Variants in GPD2 observed in about 807,000 individuals in gnomAD.
The protein encoded by GPD2 is glycerol-3-phosphate dehydrogenase 2, also known as glycerol-3-phosphate dehydrogenase, mitochondrial.
GPD2 carries 54 observed loss-of-function variants against 82.4 expected under a neutral mutation model. That is an observed-to-expected ratio of 0.66 (90% CI 0.53 to 0.82). GPD2 has a LOEUF of 0.82. Among genes scored for constraint, GPD2 ranks in the 40% least tolerant of loss-of-function variants. The probability of loss-of-function intolerance (pLI) is 0.00; values close to 1 mark genes in which losing one functional copy is unlikely to be tolerated. For synonymous variants in GPD2, 288 were observed against 306.1 expected, an observed-to-expected ratio of 0.94 and a Z score of 0.62; for missense variants, 748 against 896.2, an observed-to-expected ratio of 0.83 and a Z score of 2.11.
chr2:156,562,784 T>G (rs2105353903), intron 9 of GPD2, among the ~76,000 whole-genome samples: 1 of 152,350 alleles, frequency 6.6e-6, no homozygotes, highest in African/African-American at 2.4e-5. Flanking sequence ...AAATTGTCTG[T>G]TCAACTTTTC....
At chr2:156,401,574 A>C in the GPD2 span, among the ~76,000 whole-genome samples, 2 of 152,208 alleles carry the variant, frequency 1.3e-5, 1 homozygote, top group South Asian at 4.1e-4. Context: ...ATTCAGACAA[A>C]TACATAATGG....
Position 156,528,490 on chromosome 2 carries a change from A to G in GPD2, c.661+14994A>G, listed in dbSNP as rs537477837. On this transcript the variant is annotated intron_variant, in intron 6 of 16. Coordinates refer to ENST00000438166, the MANE Select transcript of GPD2 (RefSeq NM_000408.5). The stretch of plus-strand genomic sequence containing the variant: ...TTTAGGGTACATGTGCACAATGTGC[A>G]GGTTAGTTACATATGTATACATGTG... Among the ~76,000 whole-genome samples, 9 of 151,396 alleles carry G rather than the reference A, an allele frequency of 5.9e-5. No homozygotes were observed. In the South Asian group the frequency reaches 1.7e-3, roughly 28 times the overall value.
the GPD2 span, among the ~76,000 whole-genome samples, chr2:156,413,130 G>A: frequency 6.6e-6 from 1 of 152,014 alleles, no homozygotes. Flanking sequence ...GATGAGCAAT[G>A]TGTTAAGAGG....
the GPD2 span, among the ~76,000 whole-genome samples, chr2:156,409,194 C>G: frequency 6.6e-6 from 1 of 152,192 alleles, no homozygotes; most frequent in African/African-American, 2.4e-5. Context: ...CAATAAATTT[C>G]TAAGCCACAC....
chr2:156,484,789 G>A (rs536697759), intron 2 of GPD2, among the ~76,000 whole-genome samples: 35 of 152,196 alleles, frequency 2.3e-4, no homozygotes, highest in Non-Finnish European at 4.4e-4. Flanking sequence ...GTAGTGAGCC[G>A]AGATCGCACC....
intron 13 of GPD2, 73 bp from the exon 14 acceptor site, chr2:156,578,816 C>G (rs977674940): frequency 1.1e-6 from 1 of 877,146 alleles, no homozygotes; most frequent in Non-Finnish European, 1.9e-6. Flanking sequence ...TTCTGAAGAT[C>G]AACAGTAAAA....
rs148644123 is a variant in GPD2, at chr2:156,585,298, A to G, written c.*2380A>G. 1 of 152,460 alleles carries G rather than the reference A, an allele frequency of 6.6e-6. No homozygotes were observed. The highest frequency in any genetic ancestry group is 1.9e-4 in the East Asian group (1 of 5,146). 9.4% of individuals were successfully genotyped at this position (152,460 alleles called of 1,614,324 possible). On this transcript the variant is annotated 3_prime_UTR_variant, in exon 17 of 17. Transcript: ENST00000438166. ...CACAAAAGAAATTTTTTCCCTTTGCATATAAACTTGACATCAGTTGATTCT... is the reference window on the plus strand; with the variant it reads ...CACAAAAGAAATTTTTTCCCTTTGCGTATAAACTTGACATCAGTTGATTCT...
the GPD2 span, among the ~76,000 whole-genome samples, chr2:156,414,988 AT>A: frequency 1.3e-5 from 2 of 151,830 alleles, no homozygotes; most frequent in African/African-American, 4.8e-5. Context: ...TAATGACAAC[AT>A]TTTTTTCCCA....
chr2:156,531,494 T>G (rs1685858257), intron 6 of GPD2, among the ~76,000 whole-genome samples: 1 of 152,228 alleles, frequency 6.6e-6, no homozygotes, highest in Admixed American at 6.5e-5. Flanking sequence ...TACTTTAAAA[T>G]GGTTCTGACA....
intron 9 of GPD2, among the ~76,000 whole-genome samples, chr2:156,565,385 TG>T (rs1403949279): frequency 6.6e-6 from 1 of 152,156 alleles, no homozygotes; most frequent in African/African-American, 2.4e-5. Context: ...CAACTTGTTT[TG>T]AGGTTTTATA....
intron 13 of GPD2, among the ~76,000 whole-genome samples, chr2:156,575,405 T>G (rs1422439285): frequency 7.0e-6 from 1 of 142,668 alleles, no homozygotes; most frequent in Non-Finnish European, 1.5e-5. Context: ...TTCTTTTCTT[T>G]TTTTTTTTTT....
At chr2:156,422,701 C>A in the GPD2 span, among the ~76,000 whole-genome samples, 1 of 151,106 alleles carries the variant, frequency 6.6e-6, no homozygotes. Flanking sequence ...CACTGCACTC[C>A]AGCCTGTGCA....
intron 11 of GPD2, 56 bp downstream of exon 11, chr2:156,569,594 G>C (rs890743191): frequency 7.6e-7 from 1 of 1,321,886 alleles, no homozygotes; most frequent in South Asian, 1.2e-5. Flanking sequence ...ACTGCTGCCA[G>C]TGACAGAACT....
intron 13 of GPD2, among the ~76,000 whole-genome samples, chr2:156,576,050 C>A (rs1037883107): frequency 3.3e-5 from 5 of 152,114 alleles, no homozygotes; most frequent in Non-Finnish European, 1.5e-5. Flanking sequence ...AAATGGCAAA[C>A]CTTACATTAG....
At chr2:156,410,579 T>C in the GPD2 span, among the ~76,000 whole-genome samples, 3 of 152,188 alleles carry the variant, frequency 2.0e-5, no homozygotes, top group Non-Finnish European at 4.4e-5. Flanking sequence ...CTGTGTTGCC[T>C]AGGTTGATCT....
the GPD2 span, among the ~76,000 whole-genome samples, chr2:156,406,598 C>G: frequency 2.6e-5 from 4 of 152,090 alleles, no homozygotes; most frequent in African/African-American, 9.7e-5. Context: ...CCTTTTCTTT[C>G]TTCCTTCCTT....
the GPD2 span, among the ~76,000 whole-genome samples, chr2:156,406,349 C>T: frequency 6.6e-6 from 1 of 152,194 alleles, no homozygotes; most frequent in Non-Finnish European, 1.5e-5. Flanking sequence ...AATCATCCTG[C>T]TCACGATATG....
intron 8 of GPD2, among the ~76,000 whole-genome samples, chr2:156,556,103 C>A (rs556327003): frequency 1.3e-5 from 2 of 151,756 alleles, no homozygotes; most frequent in Non-Finnish European, 2.9e-5. Flanking sequence ...CAGTTGTTAC[C>A]CTCTCATTTT....
the GPD2 span, among the ~76,000 whole-genome samples, chr2:156,426,654 GA>G: frequency 2.0e-5 from 3 of 152,150 alleles, no homozygotes; most frequent in Non-Finnish European, 4.4e-5. Context: ...GAAACACCTG[GA>G]AGGAACTAGG....
Sources: gnomAD v4.1 joint callset for allele counts (sites outside exome capture counted in the v4.1 genomes callset) on GRCh38, gnomAD v4.1.1 for gene constraint, MANE v1.5 for transcripts, NCBI Gene and HGNC (gene_info 2026-07-23, HGNC 2026-07-21) for gene names.